The following CAT variants were observed in gnomAD, a reference collection of about 807,000 sequenced individuals.
CAT encodes the protein catalase.
In CAT, 43 loss-of-function variants were observed where a neutral mutation model predicts 59.0. The ratio of observed to expected loss-of-function variants is 0.73; its 90% CI spans 0.57 to 0.94. The LOEUF (loss-of-function observed/expected upper bound fraction) is 0.94, where lower values mean the gene tolerates loss of function less well. Ranked by LOEUF, CAT falls within the 40% of genes least tolerant of loss-of-function variation. CAT has a pLI of 0.00. For missense variants in CAT, 664 were observed against 682.9 expected (o/e 0.97, Z 0.31); for synonymous variants, 218 against 230.9 (o/e 0.94, Z 0.51).
At chr11:34,446,509 C>G (rs527966094) in intron 1 of CAT, among the ~76,000 whole-genome samples, 1 of 152,114 alleles carries the variant, frequency 6.6e-6, no homozygotes, top group Admixed American at 6.5e-5. Context: ...GTACTTTATT[C>G]ATTTATCCAA....
chr11:34,444,203 C>T (rs780139341), intron 1 of CAT, among the ~76,000 whole-genome samples: 8 of 152,094 alleles, frequency 5.3e-5, no homozygotes, highest in Non-Finnish European at 8.8e-5. Flanking sequence ...CCCTCAGACC[C>T]AGGGCTTAAT....
In CAT at chr11:34,471,370, T is replaced by C; in HGVS notation, c.1521T>C (p.Asn507=). The C allele has an allele frequency of 6.2e-7, 1 of 1,613,846 alleles. No individual in the cohort carries two copies. The highest frequency in any genetic ancestry group is 8.5e-7 in the Non-Finnish European group (1 of 1,179,704). ...CTCATCTTGTTCTTTTAAAACAGAA[T>C]GCGATTCACACCTTTGTGCAGTCCG... ...LDKYNAEKPK[N]AIHTFVQSGS... The change falls in exon 13 of 13, where the codon AAT becomes AAC. Residue 507 remains asparagine (N), a splice_region_variant and synonymous_variant. Coordinates refer to ENST00000241052, the MANE Select transcript of CAT (RefSeq NM_001752.4).
Position 34,471,437 on chromosome 11 carries a change from C to T in CAT, c.*4C>T, listed in dbSNP as rs763141706. 65 of 1,613,088 alleles carry T rather than the reference C, an allele frequency of 4.0e-5. No homozygotes were observed. The highest frequency in any genetic ancestry group is 3.9e-4 in the African/African-American group (29 of 74,884). On this transcript the variant is annotated 3_prime_UTR_variant, in exon 13 of 13. Coordinates refer to ENST00000241052, the MANE Select transcript of CAT (RefSeq NM_001752.4). ...AAGGGAGAAGGCAAATCTGTGAGGC[C>T]GGGGCCCTGCACCTGTGCAGCGAAG... is the stretch of plus-strand genomic sequence containing the variant.
At chr11:34,445,262 G>A (rs1295668735) in intron 1 of CAT, among the ~76,000 whole-genome samples, 4 of 151,986 alleles carry the variant, frequency 2.6e-5, no homozygotes, top group African/African-American at 9.7e-5. Flanking sequence ...GGCCAAGATG[G>A]GCGGATTTCT....
chr11:34,468,257 A>G, intron 10 of CAT, 31 bp from the exon 11 acceptor site: 2 of 1,498,974 alleles, frequency 1.3e-6, no homozygotes, highest in African/African-American at 1.4e-5. Flanking sequence ...TGGTGATTCA[A>G]TTCTCTGCAC....
At chr11:34,458,991 G>C (rs1856620301) in intron 8 of CAT, among the ~76,000 whole-genome samples, 1 of 152,094 alleles carries the variant, frequency 6.6e-6, no homozygotes, top group African/African-American at 2.4e-5. Context: ...TTTAAATTCA[G>C]TGTACTCTTT....
At chr11:34,439,443 C>G (rs932414576) in intron 1 of CAT, among the ~76,000 whole-genome samples, 1 of 152,168 alleles carries the variant, frequency 6.6e-6, no homozygotes, top group Non-Finnish European at 1.5e-5. Flanking sequence ...GAAGTGGAAC[C>G]AGGCTCTAAT....
chr11:34,465,634 G>A (rs1270150597), intron 10 of CAT, among the ~76,000 whole-genome samples: 1 of 152,142 alleles, frequency 6.6e-6, no homozygotes, highest in African/African-American at 2.4e-5. Flanking sequence ...AGGATATAGT[G>A]TGGTTTTTAA....
In CAT at chr11:34,464,175, C is replaced by A. The variant is rs1341917431; in HGVS notation, c.1266C>A (p.Ser422Arg). The stretch of plus-strand genomic sequence containing the variant: ...AACAGCCTTCTGCCCTGGAGCACAG[C>A]ATCCAATATTCTGGAGAAGTGCGGA... ...PEQQPSALEH[S>R]IQYSGEVRRF... Residue 422 changes from serine to arginine, a missense_variant, in exon 10 of 13, where the codon AGC becomes AGA. Physicochemically the swap from Ser to Arg is moderately radical, Grantham distance 110 (BLOSUM62 -1). Coordinates refer to ENST00000241052, the MANE Select transcript of CAT (RefSeq NM_001752.4). 1.2e-6 allele frequency: 2 copies of A among 1,613,630 alleles called. No individual in the cohort carries two copies. Among genetic ancestry groups the A allele is most frequent in the Non-Finnish European group, 1.7e-6 (2 of 1,179,520 alleles).
rs1856491798 is a variant in CAT, at chr11:34,449,181, T to C, written c.67-11T>C. 2 of 1,613,142 alleles carry C rather than the reference T, an allele frequency of 1.2e-6. No individual in the cohort carries two copies. Among genetic ancestry groups the C allele is most frequent in the African/African-American group, 2.7e-5 (2 of 74,930 alleles). On this transcript the variant is annotated splice_polypyrimidine_tract_variant and intron_variant, in intron 1 of 12. Coordinates refer to ENST00000241052, the MANE Select transcript of CAT (RefSeq NM_001752.4). The stretch of plus-strand genomic sequence containing the variant: ...CTAACTCTCCTGCACTTTCTTTCTG[T>C]GTTCCTGTAGAAAGCTGATGTCCTG...
chr11:34,464,487 A>G (rs969565876), intron 10 of CAT, among the ~76,000 whole-genome samples: 2 of 152,134 alleles, frequency 1.3e-5, no homozygotes, highest in African/African-American at 4.8e-5. Context: ...GGATATGGGG[A>G]GGGGGCATTG....
intron 9 of CAT, among the ~76,000 whole-genome samples, chr11:34,462,898 A>T (rs1461025978): frequency 3.3e-5 from 5 of 152,224 alleles, no homozygotes; most frequent in African/African-American, 1.2e-4. Flanking sequence ...AATGAAGAAA[A>T]CACTGTGATG....
intron 10 of CAT, among the ~76,000 whole-genome samples, chr11:34,466,588 T>C (rs901145626): frequency 2.0e-5 from 3 of 151,746 alleles, no homozygotes; most frequent in African/African-American, 7.2e-5. Context: ...CCATCCTGGC[T>C]AACACGGTGA....
At chr11:34,449,469 A>T in intron 2 of CAT, 106 bp downstream of exon 2, 1 of 954,906 alleles carries the variant, frequency 1.0e-6, no homozygotes, top group Non-Finnish European at 1.6e-6. Flanking sequence ...TCAAATCTCC[A>T]TTTGTGGGAG....
intron 1 of CAT, among the ~76,000 whole-genome samples, chr11:34,447,159 G>A (rs901074873): frequency 6.6e-6 from 1 of 152,134 alleles, no homozygotes; most frequent in Admixed American, 6.5e-5. Context: ...TTTTAACTTT[G>A]TTATCACCCA....
chr11:34,451,975 G>T (rs905089400), intron 3 of CAT, 102 bp from the exon 4 acceptor site: 1 of 1,259,034 alleles, frequency 7.9e-7, no homozygotes, highest in South Asian at 1.2e-5. Flanking sequence ...GTTCTTGGAA[G>T]TGGATTAGAA....
At position 34,461,376 on chromosome 11, in the gene CAT, G is replaced by A. The variant is rs1457090209; in HGVS notation, c.1182G>A (p.Met394Ile). The A allele has an allele frequency of 1.1e-5, 18 of 1,614,106 alleles. No homozygotes were observed. In the Admixed American group the frequency reaches 2.8e-4, roughly 25 times the overall value. ...ACCAGCGTGACGGCCCGATGTGCAT[G>A]CAGGACAATCAGGGTAGGCCTAAAG... ...ANYQRDGPMC[M>I]QDNQGGAPNY... Residue 394 changes from methionine (M) to isoleucine (I), a missense_variant, in exon 9 of 13, where the codon ATG becomes ATA. Physicochemically the swap from Met to Ile is conservative, Grantham distance 10 (BLOSUM62 1). Transcript: ENST00000241052.
At chr11:34,457,261 G>A (rs181133363) in intron 8 of CAT, among the ~76,000 whole-genome samples, 1 of 130,630 alleles carries the variant, frequency 7.7e-6, no homozygotes, top group Non-Finnish European at 1.5e-5. Flanking sequence ...CGCCCAGGCT[G>A]GAGTGCAGTG....
At chr11:34,439,357 C>T (rs1469604920) in intron 1 of CAT, among the ~76,000 whole-genome samples, 1 of 152,088 alleles carries the variant, frequency 6.6e-6, no homozygotes, top group African/African-American at 2.4e-5. Context: ...GGACAGAGGT[C>T]GCAGCTTGAG....
Sources: gnomAD v4.1 joint callset for allele counts (sites outside exome capture counted in the v4.1 genomes callset) on GRCh38, gnomAD v4.1.1 for gene constraint, MANE v1.5 for transcripts, NCBI Gene and HGNC (gene_info 2026-07-23, HGNC 2026-07-21) for gene names.